COL6A3: variants seen among roughly 807,000 people sequenced by gnomAD.
COL6A3 encodes collagen alpha-3(VI) chain.
Under a neutral mutation model 274.1 loss-of-function variants are expected in COL6A3, and 137 were observed. The observed-to-expected ratio is 0.50, with a 90% CI of 0.44 to 0.58. The LOEUF (loss-of-function observed/expected upper bound fraction) is 0.58. COL6A3 is among the 20% of genes least tolerant of loss of function. The pLI is 0.00. For synonymous variants in COL6A3, 1,650 were observed against 1,650.6 expected, an observed-to-expected ratio of 1.00 and a Z score of 0.01; for missense variants, 3,950 against 4,124.9, an observed-to-expected ratio of 0.96 and a Z score of 1.16.
chr2:237,352,343 T>C lies in COL6A3; in HGVS notation c.6753+179A>G, dbSNP rs566370315. Among the ~76,000 whole-genome samples the C allele has an allele frequency of 2.3e-4, 35 of 152,276 alleles. No individual in the cohort carries two copies. In the South Asian group the frequency reaches 7.1e-3, roughly 31 times the overall value. On this transcript the variant is annotated intron_variant, in intron 26 of 43. Coordinates refer to ENST00000295550, the MANE Select transcript of COL6A3 (RefSeq NM_004369.4). ...ACCAAAAAAGGAAACTCTTACTTTC[T>C]TGGGGTGAAGTAGCCAGTCACTGCA...
chr2:237,379,062 A>G lies in COL6A3; in HGVS notation c.2071T>C (p.Phe691Leu), dbSNP rs1347014329. The G allele has an allele frequency of 6.2e-6, 10 of 1,614,028 alleles. No individual in the cohort carries two copies. Among genetic ancestry groups the G allele is most frequent in the Non-Finnish European group, 8.5e-6 (10 of 1,180,036 alleles). ...VQFSDTPVTE[F>L]SLNTYQTKSD... The stretch of plus-strand genomic sequence containing the variant: ...TTGGTCTGGTATGTGTTTAAAGAGA[A>G]CTCCGTTACAGGAGTGTCACTAAAT... The change falls in exon 6 of 44, where the codon TTC (phenylalanine) becomes CTC (leucine). Residue 691 changes from phenylalanine to leucine, a missense_variant. Phe to Leu is a conservative substitution (Grantham distance 22, BLOSUM62 0). Coordinates refer to ENST00000295550, the MANE Select transcript of COL6A3 (RefSeq NM_004369.4).
At position 237,341,113 on chromosome 2, in the gene COL6A3, A is replaced by T; in HGVS notation, c.7803T>A (p.Ser2601Arg). 6.2e-7 allele frequency: 1 copy of T among 1,614,196 alleles called. No individual in the cohort carries two copies. The highest frequency in any genetic ancestry group is 8.5e-7 in the Non-Finnish European group (1 of 1,180,036). ...CNIDPSCGFG[S>R]WRPSFRDRRA... ...TCCTGTCCCTGAAGGAAGGCCTCCA[A>T]CTGCCAAATCCACAGGATGGGTCGA... The change falls in exon 38 of 44, where the codon AGT becomes AGA. Residue 2601 changes from serine to arginine, a missense_variant. Ser to Arg is a moderately radical substitution (Grantham distance 110). This residue lies in a region of COL6A3 where 1,284 missense variants were observed against 1,349.7 expected (regional missense o/e 0.95). Transcript: ENST00000295550.
At chr2:237,363,777 C>G (rs1436194109) in intron 13 of COL6A3, among the ~76,000 whole-genome samples, 2 of 152,126 alleles carry the variant, frequency 1.3e-5, no homozygotes, top group Non-Finnish European at 2.9e-5. Flanking sequence ...GAAAAGTAAG[C>G]TAATAAATAG....
intron 1 of COL6A3, among the ~76,000 whole-genome samples, chr2:237,403,437 G>C (rs958733136): frequency 3.9e-5 from 6 of 152,174 alleles, no homozygotes; most frequent in Non-Finnish European, 7.4e-5. Context: ...TTGAAGCCAT[G>C]ATCTCAGCAG....
Position 237,377,197 on chromosome 2 carries a change from TCGCTGTACTGAGCCAC to T in COL6A3, c.2629_2644del (p.Val877MetfsTer19). On this transcript the variant is annotated frameshift_variant, in exon 7 of 44. Transcript: ENST00000295550. LOFTEE classifies it high-confidence loss of function. ...AAAACGGGACTCCACCTTGACATCA[TCGCTGTACTGAGCCAC>T]CGCAATTCGGGTCCCCTCTGGCTTC... 6.2e-7 allele frequency: 1 copy of T among 1,614,082 alleles called. No individual in the cohort carries two copies. Among genetic ancestry groups the T allele is most frequent in the Non-Finnish European group, 8.5e-7 (1 of 1,180,026 alleles).
rs1013246892 is a variant in COL6A3 at position 237,331,039 on chromosome 2, G to T, written c.9328+2411C>A. Among the ~76,000 whole-genome samples the T allele has an allele frequency of 1.1e-4, 16 of 152,242 alleles. 1 individual carries two copies. Among genetic ancestry groups the T allele is most frequent in the Admixed American group, 7.9e-4 (12 of 15,286 alleles). Reference sequence around the variant, plus strand: ...ATCTACTATTTAATACTAAGAAAGGGACCCATCTCTGTAAACATGTTTCTA... The same window carrying T: ...ATCTACTATTTAATACTAAGAAAGGTACCCATCTCTGTAAACATGTTTCTA... On this transcript the variant is annotated intron_variant, in intron 42 of 43. Transcript: ENST00000295550.
intron 9 of COL6A3, among the ~76,000 whole-genome samples, chr2:237,370,961 C>G (rs2077672188): frequency 6.6e-6 from 1 of 152,180 alleles, no homozygotes; most frequent in South Asian, 2.1e-4. Context: ...GTGCAAACCA[C>G]AAAAAGGACA....
chr2:237,391,673 C>T (rs2078292776), intron 3 of COL6A3, among the ~76,000 whole-genome samples: 1 of 152,090 alleles, frequency 6.6e-6, no homozygotes. Flanking sequence ...TACAGACGCC[C>T]ACCACCACAC....
chr2:237,374,225 T>C lies in COL6A3; in HGVS notation c.3679+187A>G, dbSNP rs1032826077. Among the ~76,000 whole-genome samples, 2 of 152,258 alleles carry C rather than the reference T, an allele frequency of 1.3e-5. No homozygotes were observed. Among genetic ancestry groups the C allele is most frequent in the Non-Finnish European group, 2.9e-5 (2 of 68,048 alleles). Reference sequence around the variant, plus strand: ...AACATGAATCTTAGCATCTCCCCCCTTGAACCTCTGCCATTTCTGCCCATC... The same window carrying C: ...AACATGAATCTTAGCATCTCCCCCCCTGAACCTCTGCCATTTCTGCCCATC... On this transcript the variant is annotated intron_variant, in intron 8 of 43. Transcript: ENST00000295550. This position sits in a 1 kb window ranked among gnomAD's most constrained non-coding sequence, Gnocchi z 4.8.
At chr2:237,337,015 T>C (rs1278669763) in intron 39 of COL6A3, among the ~76,000 whole-genome samples, 1 of 152,006 alleles carries the variant, frequency 6.6e-6, no homozygotes, top group East Asian at 1.9e-4. Flanking sequence ...TTACTGGGAG[T>C]ATATATATTT....
At chr2:237,356,931 C>T (rs1248192353) in intron 23 of COL6A3, 2 of 261,022 alleles carry the variant, frequency 7.7e-6, no homozygotes, top group South Asian at 7.4e-5. Context: ...TCACTTACAG[C>T]ATCCCCCCAA....
At chr2:237,326,244 A>AGTGTGAGTGT (rs1553541631) in intron 42 of COL6A3, 1 of 151,562 alleles carries the variant, frequency 6.6e-6, no homozygotes, top group Non-Finnish European at 1.5e-5. Flanking sequence ...ATCCTTTATG[A>AGTGTGAGTGT]GTGTGTGTGT....
chr2:237,354,798 C>T (rs185838074), intron 24 of COL6A3, 101 bp downstream of exon 24: 12 of 999,038 alleles, frequency 1.2e-5, no homozygotes, highest in African/African-American at 9.8e-5. Context: ...TATCTGTCTC[C>T]GAAGCTTTGG....
intron 3 of COL6A3, among the ~76,000 whole-genome samples, chr2:237,389,937 C>A (rs2078245316): frequency 6.6e-6 from 1 of 152,152 alleles, no homozygotes; most frequent in African/African-American, 2.4e-5. Flanking sequence ...ATATAAGATT[C>A]CTGAAGGATC....
Position 237,340,458 on chromosome 2 carries a change from C to T in COL6A3, c.8458G>A (p.Val2820Ile), listed in dbSNP as rs115171119. The part of the protein sequence containing the change: ...MRFGRLLPSF[V>I]SSENAFYLSP... ...TGTGCCACGCAGGACTTACTGCTGA[C>T]GAAGGATGGCAACAGCCTCCCGAAG... Residue 2820 changes from valine (V) to isoleucine (I), a missense_variant, in exon 38 of 44, where the codon GTC (valine) becomes ATC (isoleucine). Physicochemically the swap from Val to Ile is conservative, Grantham distance 29 (BLOSUM62 3). This residue lies in a region of COL6A3 where 1,284 missense variants were observed against 1,349.7 expected (regional missense o/e 0.95). Transcript: ENST00000295550. 4.7e-4 allele frequency: 761 copies of T among 1,612,446 alleles called. 4 individuals are homozygous for T. The African/African-American group carries it at 8.0e-3, about 17-fold the overall frequency.
rs2077562058 is a variant in COL6A3 at position 237,366,726 on chromosome 2, G to A, written c.5461C>T (p.His1821Tyr). 1.2e-6 allele frequency: 2 copies of A among 1,614,144 alleles called. No homozygotes were observed. Among genetic ancestry groups the A allele is most frequent in the African/African-American group, 1.3e-5 (1 of 74,932 alleles). Residue 1821 changes from histidine to tyrosine, a missense_variant, in exon 11 of 44, where the codon CAT (histidine) becomes TAT (tyrosine). By Grantham distance (83) the His-to-Tyr change is moderately conservative. Transcript: ENST00000295550. Reference sequence around the variant, plus strand: ...GTTACACCAGGGCAAAGGGTTTCATGCATCGCATCATGCAAAGTTTCCAAA... The same window carrying A: ...GTTACACCAGGGCAAAGGGTTTCATACATCGCATCATGCAAAGTTTCCAAA... ...QVLETLHDAM[H>Y]ETLCPGVTDA...
At chr2:237,385,496 C>A (rs577588813) in intron 4 of COL6A3, among the ~76,000 whole-genome samples, 2 of 152,164 alleles carry the variant, frequency 1.3e-5, no homozygotes, top group Non-Finnish European at 2.9e-5. Flanking sequence ...TTCAAGAAAT[C>A]GAAACCCAGA....
chr2:237,339,744 C>T (rs772546421), intron 38 of COL6A3, among the ~76,000 whole-genome samples: 4 of 152,200 alleles, frequency 2.6e-5, no homozygotes, highest in Non-Finnish European at 5.9e-5. Flanking sequence ...GCACACTGTA[C>T]ACAGGCTCTG....
chr2:237,328,021 G>C (rs974728696), intron 42 of COL6A3: 2 of 152,156 alleles, frequency 1.3e-5, no homozygotes, highest in Non-Finnish European at 2.9e-5. Flanking sequence ...TTCTCTTTAT[G>C]TGAGAGGAGC....
Sources: gnomAD v4.1 joint callset for allele counts (sites outside exome capture counted in the v4.1 genomes callset) on GRCh38, gnomAD v4.1.1 for gene constraint, gnomAD v4.1.1 regional missense constraint, Gnocchi (gnomAD v3.1) non-coding constraint, MANE v1.5 for transcripts, NCBI Gene and HGNC (gene_info 2026-07-23, HGNC 2026-07-21) for gene names.